The following CDC25A variants were observed in gnomAD, a reference collection of about 807,000 sequenced individuals.
CDC25A encodes M-phase inducer phosphatase 1.
Under a neutral mutation model 64.6 loss-of-function variants are expected in CDC25A, and 17 were observed. The observed-to-expected ratio is 0.26, with a 90% CI of 0.18 to 0.39. The LOEUF is 0.39. Among genes scored for constraint, CDC25A ranks in the 10% least tolerant of loss-of-function variants. The pLI is 1.00. For synonymous variants in CDC25A, 229 were observed against 238.6 expected (o/e 0.96, Z 0.37); for missense variants, 473 against 654.8 (o/e 0.72, Z 3.03).
rs1166575654 is a variant in CDC25A, at chr3:48,188,194, CG to C, written c.-248del. On this transcript the variant is annotated 5_prime_UTR_variant, in exon 1 of 15. Transcript: ENST00000302506. ...CTTCCCTCTCACACCGCGAGGCCAGCGGGCGGGCGGGCGCCGGCAACCTGAA... is the reference window on the plus strand; with the variant it reads ...CTTCCCTCTCACACCGCGAGGCCAGCGGCGGGCGGGCGCCGGCAACCTGAA... 1 of 330,778 alleles carries C rather than the reference CG, an allele frequency of 3.0e-6. No homozygotes were observed. Among genetic ancestry groups the C allele is most frequent in the Non-Finnish European group, 5.5e-6 (1 of 183,424 alleles). The allele number at this position is 330,778 out of a possible 1,614,324, so 20.5% of individuals were successfully genotyped here.
intron 10 of CDC25A, among the ~76,000 whole-genome samples, chr3:48,166,773 G>A (rs761581733): frequency 3.9e-5 from 6 of 152,252 alleles, no homozygotes; most frequent in Non-Finnish European, 8.8e-5. Context: ...GTGTGGTGGT[G>A]CATGCCTGTA....
intron 9 of CDC25A, among the ~76,000 whole-genome samples, chr3:48,171,642 G>T (rs978853870): frequency 1.3e-5 from 2 of 151,998 alleles, no homozygotes; most frequent in South Asian, 4.1e-4. Flanking sequence ...TCCTCCCAAA[G>T]TGCTGGGATT....
intron 10 of CDC25A, 60 bp downstream of exon 10, chr3:48,167,786 G>A (rs2032086510): frequency 1.1e-6 from 1 of 902,040 alleles, no homozygotes; most frequent in African/African-American, 1.6e-5. Context: ...CAGGCTGAGT[G>A]GGATTCTAAA....
At chr3:48,187,489 T>C (rs1032830139) in intron 1 of CDC25A, among the ~76,000 whole-genome samples, 14 of 152,090 alleles carry the variant, frequency 9.2e-5, no homozygotes, top group African/African-American at 3.4e-4. Flanking sequence ...CTTCCAGGGA[T>C]AGAGATAGAA....
At chr3:48,180,642 C>T (rs780485559) in intron 6 of CDC25A, 79 bp downstream of exon 6, 163 of 1,475,948 alleles carry the variant, frequency 1.1e-4, no homozygotes, top group Non-Finnish European at 8.4e-5. Context: ...TACTGTAGTG[C>T]CTTCAATTCT....
At position 48,163,091 on chromosome 3, in the gene CDC25A, G is replaced by A. The variant is rs532779275; in HGVS notation, c.1322+1216C>T. On this transcript the variant is annotated intron_variant, in intron 13 of 14. Transcript: ENST00000302506. ...GAGGTCAGGAGTTCAAGACCAGCCC[G>A]GCCAACATGGTGAAACCCCCATCTC... Among the ~76,000 whole-genome samples, 8 of 151,794 alleles carry A rather than the reference G, an allele frequency of 5.3e-5. No individual in the cohort carries two copies. In the East Asian group the frequency reaches 5.8e-4, roughly 11 times the overall value.
intron 7 of CDC25A, 107 bp downstream of exon 7, chr3:48,177,747 G>C: frequency 7.8e-7 from 1 of 1,286,678 alleles, no homozygotes; most frequent in South Asian, 1.2e-5. Context: ...TATCAGCTAA[G>C]CAAGCCCCGG....
At chr3:48,176,551 A>G (rs1440651732) in intron 8 of CDC25A, among the ~76,000 whole-genome samples, 1 of 146,762 alleles carries the variant, frequency 6.8e-6, no homozygotes, top group Non-Finnish European at 1.5e-5. Context: ...ATATATATAT[A>G]TATATATAAA....
Position 48,184,661 on chromosome 3 carries a change from A to C in CDC25A, c.282T>G (p.Ser94Arg). The stretch of plus-strand genomic sequence containing the variant: ...AAGCAGTGAATACATACTTTTCTTT[A>C]CTGTCCAATGGCCCAGGAGAATCTA... ...FCLDSPGPLD[S>R]KENLENPMRR... Residue 94 changes from serine to arginine, a missense_variant, in exon 3 of 15, where the codon AGT becomes AGG. Physicochemically the swap from Ser to Arg is moderately radical, Grantham distance 110 (BLOSUM62 -1). This residue lies in a region of CDC25A where 376 missense variants were observed against 431.9 expected (regional missense o/e 0.87). Transcript: ENST00000302506. The C allele has an allele frequency of 1.9e-6, 3 of 1,592,686 alleles. No homozygotes were observed. Among genetic ancestry groups the C allele is most frequent in the Non-Finnish European group, 2.6e-6 (3 of 1,171,996 alleles).
Position 48,183,850 on chromosome 3 carries a change from A to G in CDC25A, c.291-14T>C. 6.6e-7 allele frequency: 1 copy of G among 1,526,464 alleles called. No individual in the cohort carries two copies. Among genetic ancestry groups the G allele is most frequent in the Non-Finnish European group, 9.1e-7 (1 of 1,101,222 alleles). The allele number at this position is 1,526,464 out of a possible 1,614,324, so 94.6% of individuals were successfully genotyped here. On this transcript the variant is annotated splice_polypyrimidine_tract_variant and intron_variant, in intron 3 of 14. Transcript: ENST00000302506. Reference sequence around the variant, plus strand: ...GGATTTTCAAGGCTGTAATGAGATCAGAAGGTAAATAATGAGAATAAAACA... The same window carrying G: ...GGATTTTCAAGGCTGTAATGAGATCGGAAGGTAAATAATGAGAATAAAACA...
chr3:48,171,657 G>A (rs1054043185), intron 9 of CDC25A, among the ~76,000 whole-genome samples: 1 of 151,972 alleles, frequency 6.6e-6, no homozygotes, highest in Admixed American at 6.6e-5. Flanking sequence ...GGGATTACAG[G>A]AGTGAACCAC....
At chr3:48,171,236 G>T (rs757706074) in intron 9 of CDC25A, among the ~76,000 whole-genome samples, 130 of 151,888 alleles carry the variant, frequency 8.6e-4, no homozygotes, top group Middle Eastern at 3.4e-3. Context: ...TTAGCCAGGC[G>T]TGGCAGTGGG....
At chr3:48,186,461 C>T (rs1028723563) in intron 2 of CDC25A, among the ~76,000 whole-genome samples, 2 of 151,340 alleles carry the variant, frequency 1.3e-5, no homozygotes, top group African/African-American at 2.4e-5. Flanking sequence ...CCCAGCTACT[C>T]GGGAGGCTGA....
intron 13 of CDC25A, 41 bp downstream of exon 13, chr3:48,164,266 T>C (rs765264811): frequency 4.8e-6 from 7 of 1,468,074 alleles, no homozygotes; most frequent in South Asian, 1.5e-5. Flanking sequence ...AAAAGCATCA[T>C]GGAGCCTGTG....
intron 5 of CDC25A, among the ~76,000 whole-genome samples, chr3:48,182,377 A>G (rs897645083): frequency 6.6e-6 from 1 of 152,236 alleles, no homozygotes; most frequent in Non-Finnish European, 1.5e-5. Flanking sequence ...ACTCTGTGCA[A>G]TGTCTAAAAG....
chr3:48,180,196 G>A (rs2032610345), intron 6 of CDC25A: 1 of 152,206 alleles, frequency 6.6e-6, no homozygotes, highest in South Asian at 2.1e-4. Flanking sequence ...TGAGATTATA[G>A]GCATGAGCCA....
Position 48,172,137 on chromosome 3 carries a change from C to G in CDC25A, c.930+2147G>C, listed in dbSNP as rs547033353. 4.2e-4 allele frequency among the ~76,000 whole-genome samples: 64 copies of G among 152,218 alleles called. No homozygotes were observed. In the Middle Eastern group the frequency reaches 0.01, roughly 24 times the overall value. On this transcript the variant is annotated intron_variant, in intron 9 of 14. Coordinates refer to ENST00000302506, the MANE Select transcript of CDC25A (RefSeq NM_001789.3). ...TGTGATCGTGCTAGTGCACTCCAGC[C>G]TGAGTGACAGCGCTAGACCCTGTGC... is the stretch of plus-strand genomic sequence containing the variant.
chr3:48,169,473 T>G (rs1476099767), intron 9 of CDC25A, among the ~76,000 whole-genome samples: 1 of 152,226 alleles, frequency 6.6e-6, no homozygotes, highest in African/African-American at 2.4e-5. Context: ...AGACAATGTC[T>G]GAAGACCCCA....
chr3:48,172,166 C>G (rs747689900), intron 9 of CDC25A, among the ~76,000 whole-genome samples: 46 of 151,930 alleles, frequency 3.0e-4, no homozygotes, highest in Admixed American at 2.6e-3. Flanking sequence ...CCTGTGCCCC[C>G]CACAAACAAA....
Sources: gnomAD v4.1 joint callset for allele counts (sites outside exome capture counted in the v4.1 genomes callset) on GRCh38, gnomAD v4.1.1 for gene constraint, gnomAD v4.1.1 regional missense constraint, MANE v1.5 for transcripts, NCBI Gene and HGNC (gene_info 2026-07-23, HGNC 2026-07-21) for gene names.